The following MON2 variants were observed in gnomAD, a reference collection of about 807,000 sequenced individuals.
MON2 encodes protein MON2 homolog.
Under a neutral mutation model 208.6 loss-of-function variants are expected in MON2, and 84 were observed. The observed-to-expected ratio is 0.40, with a 90% CI of 0.34 to 0.48. The LOEUF is 0.48. Among genes scored for constraint, MON2 ranks in the 20% least tolerant of loss-of-function variants. MON2 has a pLI of 0.59. For synonymous variants in MON2, 660 were observed against 694.0 expected (o/e 0.95, Z 0.77); for missense variants, 1,611 against 2,015.4 (o/e 0.80, Z 3.84).
In MON2 at chr12:62,524,736, T is replaced by G; in HGVS notation, c.1109+97T>G. 3 of 1,192,290 alleles carry G rather than the reference T, an allele frequency of 2.5e-6. No individual in the cohort carries two copies. The South Asian group carries it at 4.8e-5, about 19-fold the overall frequency. 73.9% of individuals were successfully genotyped at this position (1,192,290 alleles called of 1,614,324 possible). On this transcript the variant is annotated intron_variant, in intron 9 of 34. Transcript: ENST00000393630. Reference sequence around the variant, plus strand: ...GTTAATAAACTAGTCAGAAGACTTTTGGTATTTATTCCCAATATTAGTGAT... The same window carrying G: ...GTTAATAAACTAGTCAGAAGACTTTGGGTATTTATTCCCAATATTAGTGAT...
rs2072884969 is a variant in MON2, at chr12:62,534,762, G to T, written c.1634-83G>T. The T allele has an allele frequency of 7.4e-6, 7 of 948,840 alleles. No individual in the cohort carries two copies. In the South Asian group the frequency reaches 1.0e-4, roughly 14 times the overall value. The allele number at this position is 948,840 out of a possible 1,614,324, so 58.8% of individuals were successfully genotyped here. ...AATGGAATATTTGACATATTGTCTG[G>T]GAAAATTTTAGAATTTCACATATTA... is the stretch of plus-strand genomic sequence containing the variant. On this transcript the variant is annotated intron_variant, in intron 12 of 34. Coordinates refer to ENST00000393630, the MANE Select transcript of MON2 (RefSeq NM_015026.3).
At chr12:62,555,581 G>A (rs1592383760) in intron 24 of MON2, among the ~76,000 whole-genome samples, 1 of 152,042 alleles carries the variant, frequency 6.6e-6, no homozygotes, top group Non-Finnish European at 1.5e-5. Context: ...AGGTCGAGGC[G>A]GGCAGTTCAC....
chr12:62,569,794 G>C (rs2074518693), intron 29 of MON2, among the ~76,000 whole-genome samples: 1 of 152,148 alleles, frequency 6.6e-6, no homozygotes, highest in African/African-American at 2.4e-5. Flanking sequence ...GAGGTGGAAG[G>C]AGGGGAAGGG....
chr12:62,470,688 T>C, intron 1 of MON2: 1 of 1,124,090 alleles, frequency 8.9e-7, no homozygotes, highest in Non-Finnish European at 1.1e-6. Context: ...TTCTTATTAT[T>C]TCCTATTTGC....
intron 33 of MON2, chr12:62,585,808 A>G (rs1193021453): frequency 5.3e-6 from 1 of 187,074 alleles, no homozygotes; most frequent in East Asian, 1.3e-4. Flanking sequence ...TCTTCCAGAG[A>G]TTTCTGGATA....
rs1377245005 is a variant in MON2 at position 62,596,634 on chromosome 12, ATT to A, written c.*3886_*3887del. ...TAGAGGGAATTTTTATTTTAAAAAAATTGTCATTCATGAGAAGAATGGGAGTT... is the reference window on the plus strand; with the variant it reads ...TAGAGGGAATTTTTATTTTAAAAAAAGTCATTCATGAGAAGAATGGGAGTT... On this transcript the variant is annotated 3_prime_UTR_variant, in exon 35 of 35. Transcript: ENST00000393630. 1 of 152,198 alleles carries A rather than the reference ATT, an allele frequency of 6.6e-6. No homozygotes were observed. Among genetic ancestry groups the A allele is most frequent in the Non-Finnish European group, 1.5e-5 (1 of 68,030 alleles). The allele number at this position is 152,198 out of a possible 1,614,324, so 9.4% of individuals were successfully genotyped here. A position where few individuals can be genotyped will look rare whatever the true frequency, so the allele number is the denominator to read the frequency against.
rs182658877 is a variant in MON2, at chr12:62,600,172, C to T, written c.*7423C>T. 3.9e-5 allele frequency: 6 copies of T among 152,274 alleles called. No individual in the cohort carries two copies. Among genetic ancestry groups the T allele is most frequent in the African/African-American group, 9.6e-5 (4 of 41,548 alleles). The allele number at this position is 152,274 out of a possible 1,614,324, so 9.4% of individuals were successfully genotyped here. A position where few individuals can be genotyped will look rare whatever the true frequency, so the allele number is the denominator to read the frequency against. ...AACAGAATTCAAAATGTAGTGTGTT[C>T]TAAAGCGCTGTGCCTGGAGCATCAT... On this transcript the variant is annotated 3_prime_UTR_variant, in exon 35 of 35. Transcript: ENST00000393630.
intron 11 of MON2, among the ~76,000 whole-genome samples, chr12:62,531,230 T>A (rs1479531662): frequency 1.3e-5 from 2 of 152,214 alleles, no homozygotes; most frequent in Non-Finnish European, 2.9e-5. Flanking sequence ...TTGATGAATC[T>A]AATTTATCAA....
At chr12:62,527,081 A>T (rs933108923) in intron 11 of MON2, among the ~76,000 whole-genome samples, 1 of 152,106 alleles carries the variant, frequency 6.6e-6, no homozygotes, top group Admixed American at 6.5e-5. Context: ...AGCTGAGATC[A>T]TGTCACTGCA....
At chr12:62,572,011 A>G (rs2074612071) in intron 30 of MON2, among the ~76,000 whole-genome samples, 1 of 152,208 alleles carries the variant, frequency 6.6e-6, no homozygotes, top group Non-Finnish European at 1.5e-5. Context: ...AACAATTTTC[A>G]TTGTATGGTA....
chr12:62,584,315 G>A (rs117366596), intron 32 of MON2, among the ~76,000 whole-genome samples: 2,867 of 152,196 alleles, frequency 0.019, 63 homozygotes, highest in Non-Finnish European at 0.023. Context: ...ATTTTCGGAG[G>A]TACATGCGCT....
chr12:62,552,461 G>A lies in MON2; in HGVS notation c.2917-420G>A, dbSNP rs534189945. Among the ~76,000 whole-genome samples, 21 of 152,036 alleles carry A rather than the reference G, an allele frequency of 1.4e-4. No homozygotes were observed. In the South Asian group the frequency reaches 1.9e-3, roughly 14 times the overall value. On this transcript the variant is annotated intron_variant, in intron 23 of 34. Transcript: ENST00000393630. ...ATATGTTTGGAAACAGTAATTGCTC[G>A]TGTATGAAATTACAAACTTATTAAA...
intron 10 of MON2, 57 bp from the exon 11 acceptor site, chr12:62,525,892 A>T: frequency 2.6e-6 from 4 of 1,543,984 alleles, no homozygotes; most frequent in Non-Finnish European, 3.5e-6. Context: ...ACTATTACTG[A>T]TTTGTAGTCA....
intron 11 of MON2, among the ~76,000 whole-genome samples, chr12:62,527,258 T>TA (rs1418216655): frequency 3.9e-5 from 6 of 151,932 alleles, no homozygotes; most frequent in Admixed American, 1.3e-4. Context: ...CCCCATCTCT[T>TA]AAAAAAAATA....
At chr12:62,512,214 A>C (rs2071444469) in intron 8 of MON2, among the ~76,000 whole-genome samples, 1 of 152,164 alleles carries the variant, frequency 6.6e-6, no homozygotes, top group South Asian at 2.1e-4. Context: ...ATGCCTTCCC[A>C]ACAGTCCCCA....
At chr12:62,584,115 A>G (rs1342081861) in intron 32 of MON2, among the ~76,000 whole-genome samples, 1 of 152,100 alleles carries the variant, frequency 6.6e-6, no homozygotes, top group African/African-American at 2.4e-5. Flanking sequence ...TTGGCCAAGT[A>G]TGAGTGTAAA....
chr12:62,589,434 A>G (rs1157902920), intron 34 of MON2, among the ~76,000 whole-genome samples: 1 of 152,218 alleles, frequency 6.6e-6, no homozygotes, highest in African/African-American at 2.4e-5. Flanking sequence ...GAGTAAATAC[A>G]TATTTTTCTT....
intron 8 of MON2, among the ~76,000 whole-genome samples, 166 bp from the exon 9 acceptor site, chr12:62,524,349 A>G (rs2072224275): frequency 2.0e-5 from 3 of 152,194 alleles, no homozygotes; most frequent in Non-Finnish European, 2.9e-5. Flanking sequence ...GTTTCCATGT[A>G]TAACTACATT....
Position 62,538,478 on chromosome 12 carries a change from AATGGAT to A in MON2, c.2342_2347del (p.Asp781_Met782del). On this transcript the variant is annotated inframe_deletion, in exon 19 of 35. Coordinates refer to ENST00000393630, the MANE Select transcript of MON2 (RefSeq NM_015026.3). ...CACTTTGCTCCTTGTCTCTAGAAGCAATGGATATGGCCTATGGAAATAATAAGGTGT... is the reference window on the plus strand; with the variant it reads ...CACTTTGCTCCTTGTCTCTAGAAGCAATGGCCTATGGAAATAATAAGGTGT... The A allele has an allele frequency of 6.2e-7, 1 of 1,607,474 alleles. No individual in the cohort carries two copies. The highest frequency in any genetic ancestry group is 8.5e-7 in the Non-Finnish European group (1 of 1,174,412).
Sources: gnomAD v4.1 joint callset for allele counts (sites outside exome capture counted in the v4.1 genomes callset) on GRCh38, gnomAD v4.1.1 for gene constraint, MANE v1.5 for transcripts, NCBI Gene and HGNC (gene_info 2026-07-23, HGNC 2026-07-21) for gene names.